The following CCT2 variants were observed in gnomAD, a reference collection of about 807,000 sequenced individuals.
CCT2 encodes T-complex protein 1 subunit beta.
Under a neutral mutation model 61.8 loss-of-function variants are expected in CCT2, and 18 were observed. The ratio of observed to expected loss-of-function variants is 0.29; its 90% CI spans 0.20 to 0.43. The LOEUF (loss-of-function observed/expected upper bound fraction) is 0.43, where lower values mean the gene tolerates loss of function less well. Among genes scored for constraint, CCT2 ranks in the 20% least tolerant of loss-of-function variants. CCT2 has a pLI of 1.00. For missense variants in CCT2, 556 were observed against 656.9 expected (o/e 0.85, Z 1.68); for synonymous variants, 248 against 215.9 (o/e 1.15, Z -1.30).
At chr12:69,591,408 C>T (rs148435187) in intron 7 of CCT2, among the ~76,000 whole-genome samples, 1 of 152,258 alleles carries the variant, frequency 6.6e-6, no homozygotes, top group East Asian at 1.9e-4. Flanking sequence ...TAGCCAGCAG[C>T]AGGGGCATGA....
At chr12:69,588,417 T>C in intron 6 of CCT2, 155 bp downstream of exon 6, 1 of 594,850 alleles carries the variant, frequency 1.7e-6, no homozygotes, top group Non-Finnish European at 3.0e-6. Flanking sequence ...CCTCCAGAGA[T>C]AGCCACTAAA....
chr12:69,590,376 A>G (rs1007352920), intron 7 of CCT2, among the ~76,000 whole-genome samples: 3 of 152,274 alleles, frequency 2.0e-5, no homozygotes, highest in South Asian at 2.1e-4. Context: ...TTTAACAAAT[A>G]ATTATGTATG....
intron 14 of CCT2, 108 bp downstream of exon 14, chr12:69,598,529 CT>C: frequency 1.8e-6 from 1 of 563,118 alleles, no homozygotes; most frequent in South Asian, 4.3e-5. Flanking sequence ...ATAAAAGACT[CT>C]TTTGGACTTT....
At chr12:69,597,550 C>A in intron 11 of CCT2, 88 bp from the exon 12 acceptor site, 1 of 1,374,074 alleles carries the variant, frequency 7.3e-7, no homozygotes, top group South Asian at 1.3e-5. Flanking sequence ...GGTCAGCTTT[C>A]AGAACCCAGT....
At position 69,597,219 on chromosome 12, in the gene CCT2, T is replaced by C. The variant is rs772618611; in HGVS notation, c.1046T>C (p.Ile349Thr). ...GTGAAGCTTGGAAGTTGCAAACTTA[T>C]CGAGGAAGTCATGATTGGAGAAGAC... is the stretch of plus-strand genomic sequence containing the variant. Reference protein sequence around the residue: ...ELVKLGSCKLIEEVMIGEDKL... With the variant: ...ELVKLGSCKLTEEVMIGEDKL... The change falls in exon 11 of 16, where the codon ATC (isoleucine) becomes ACC (threonine). Residue 349 changes from isoleucine to threonine, a missense_variant. This residue lies in a region of CCT2 where 225 missense variants were observed against 249.8 expected (regional missense o/e 0.90). Transcript: ENST00000299300. 10 of 1,613,958 alleles carry C rather than the reference T, an allele frequency of 6.2e-6. No individual in the cohort carries two copies. Among genetic ancestry groups the C allele is most frequent in the South Asian group, 3.3e-5 (3 of 91,090 alleles).
chr12:69,593,652 G>A (rs1210553911), intron 10 of CCT2, 39 bp downstream of exon 10: 5 of 1,221,100 alleles, frequency 4.1e-6, no homozygotes, highest in African/African-American at 1.5e-5. Context: ...AAACACAATA[G>A]TCACTCTTGA....
chr12:69,585,512 C>G lies in CCT2; in HGVS notation c.-10C>G. The G allele has an allele frequency of 6.4e-7, 1 of 1,567,846 alleles. No homozygotes were observed. Among genetic ancestry groups the G allele is most frequent in the Non-Finnish European group, 8.7e-7 (1 of 1,155,460 alleles). On this transcript the variant is annotated 5_prime_UTR_variant, in exon 1 of 16. Coordinates refer to ENST00000299300, the MANE Select transcript of CCT2 (RefSeq NM_006431.3). ...AGGGGATTCACTTGTGTGCGGAACTCCTCGGAACCATGGTGAGCCTGACTC... is the reference window on the plus strand; with the variant it reads ...AGGGGATTCACTTGTGTGCGGAACTGCTCGGAACCATGGTGAGCCTGACTC...
Position 69,598,041 on chromosome 12 carries a change from A to G in CCT2, c.1305A>G (p.Ala435=). Residue 435 remains alanine (A), a synonymous_variant, in exon 13 of 16, where the codon GCA becomes GCG. Coordinates refer to ENST00000299300, the MANE Select transcript of CCT2 (RefSeq NM_006431.3). ...ANRTPGKEAV[A]MESYAKALRM... ...GAACACCAGGCAAAGAAGCTGTTGC[A>G]ATGGAGTCTTATGCTAAAGCACTGA... 1.2e-6 allele frequency: 2 copies of G among 1,613,538 alleles called. No homozygotes were observed. The highest frequency in any genetic ancestry group is 1.7e-6 in the Non-Finnish European group (2 of 1,179,496).
chr12:69,601,241 G>A (rs1370729539), intron 15 of CCT2, 54 bp from the exon 16 acceptor site: 1 of 1,387,740 alleles, frequency 7.2e-7, no homozygotes. Context: ...ATAATACTTT[G>A]GATAAAATCA....
chr12:69,585,840 G>C, intron 1 of CCT2: 1 of 1,319,606 alleles, frequency 7.6e-7, no homozygotes, highest in Non-Finnish European at 9.7e-7. Context: ...TCCTTCTAGG[G>C]GCGGAGCCTG....
rs142186363 is a variant in CCT2, at chr12:69,586,791, A to G, written c.117A>G (p.Val39=). Reference sequence around the variant, plus strand: ...GTGCCATCGCCATTGGAGACTTGGTAAAGAGCACCTTGGGACCCAAAGGCA... The same window carrying G: ...GTGCCATCGCCATTGGAGACTTGGTGAAGAGCACCTTGGGACCCAAAGGCA... ...FIGAIAIGDL[V]KSTLGPKGMD... Residue 39 remains valine (V), a synonymous_variant, in exon 3 of 16, where the codon GTA becomes GTG. Coordinates refer to ENST00000299300, the MANE Select transcript of CCT2 (RefSeq NM_006431.3). The G allele has an allele frequency of 2.5e-6, 4 of 1,601,170 alleles. No homozygotes were observed. In the African/African-American group the frequency reaches 5.4e-5, roughly 22 times the overall value.
Position 69,593,800 on chromosome 12 carries a change from A to G in CCT2, c.982+187A>G, listed in dbSNP as rs979690689. Among the ~76,000 whole-genome samples, 9 of 152,256 alleles carry G rather than the reference A, an allele frequency of 5.9e-5. No homozygotes were observed. The South Asian group carries it at 1.9e-3, about 32-fold the overall frequency. ...TTTACGATACCAAGTTATATACCAC[A>G]TTTGCCGTAGGTATAGATTTCTTTC... On this transcript the variant is annotated intron_variant, in intron 10 of 15. Transcript: ENST00000299300.
At chr12:69,590,682 CTTGA>C (rs150715474) in intron 7 of CCT2, among the ~76,000 whole-genome samples, 7,619 of 149,138 alleles carry the variant, frequency 0.051, 526 homozygotes, top group East Asian at 0.37. Flanking sequence ...TGAAAATACT[CTTGA>C]TTAAGTTTAT....
chr12:69,598,094 T>G (rs766507587), intron 13 of CCT2, 23 bp downstream of exon 13: 22 of 1,532,048 alleles, frequency 1.4e-5, no homozygotes, highest in Non-Finnish European at 1.9e-5. Context: ...AAATGAGAGA[T>G]CCGAACTTAA....
At chr12:69,591,588 G>A (rs1019117754) in intron 7 of CCT2, among the ~76,000 whole-genome samples, 1 of 152,198 alleles carries the variant, frequency 6.6e-6, no homozygotes, top group African/African-American at 2.4e-5. Flanking sequence ...TGTGGGTGTA[G>A]CGTATATCTG....
chr12:69,587,202 A>T (rs1473670284), intron 3 of CCT2: 2 of 345,716 alleles, frequency 5.8e-6, no homozygotes, highest in Non-Finnish European at 1.0e-5. Flanking sequence ...TAACTGTCAA[A>T]TATTATCCTG....
At chr12:69,588,452 T>C (rs1881732387) in intron 6 of CCT2, 190 bp downstream of exon 6, 1 of 551,430 alleles carries the variant, frequency 1.8e-6, no homozygotes, top group African/African-American at 1.9e-5. Context: ...TTTAGTCTTT[T>C]TGTATATATC....
chr12:69,591,655 TTC>T (rs1287776560), intron 7 of CCT2, among the ~76,000 whole-genome samples: 7 of 152,368 alleles, frequency 4.6e-5, no homozygotes, highest in African/African-American at 1.4e-4. Flanking sequence ...CTCTTATATT[TTC>T]TGTTTCATAT....
intron 2 of CCT2, 51 bp from the exon 3 acceptor site, chr12:69,586,702 A>G (rs1033992847): frequency 1.8e-5 from 23 of 1,255,988 alleles, no homozygotes; most frequent in Middle Eastern, 3.8e-4. Flanking sequence ...ATAAAACTGT[A>G]CTTGAAGACT....
Sources: allele counts gnomAD v4.1 joint callset (sites outside exome capture counted in the v4.1 genomes callset), GRCh38; gene constraint gnomAD v4.1.1; regional missense constraint gnomAD v4.1.1; transcripts MANE v1.5; gene names NCBI Gene and HGNC (gene_info 2026-07-23, HGNC 2026-07-21).